Variants in MCPH1 observed in about 807,000 individuals in gnomAD.
MCPH1 encodes the protein microcephalin.
MCPH1 carries 104 observed loss-of-function variants against 84.5 expected under a neutral mutation model. That is an observed-to-expected ratio of 1.23 (90% CI 1.05 to 1.45). MCPH1 has a LOEUF of 1.45. Among genes scored for constraint, MCPH1 ranks in the 40% most tolerant of loss-of-function variants. The pLI is 0.00. For synonymous variants in MCPH1, 514 were observed against 366.8 expected (o/e 1.40, Z -4.58); for missense variants, 1,498 against 1,005.7 (o/e 1.49, Z -6.62).
At chr8:6,558,497 C>T (rs1262781222) in intron 12 of MCPH1, among the ~76,000 whole-genome samples, 1 of 152,204 alleles carries the variant, frequency 6.6e-6, no homozygotes, top group African/African-American at 2.4e-5. Flanking sequence ...CATCTGATCA[C>T]CAATGGTAAG....
chr8:6,562,219 G>A (rs1453658200), intron 12 of MCPH1, among the ~76,000 whole-genome samples: 4 of 152,092 alleles, frequency 2.6e-5, no homozygotes, highest in East Asian at 1.9e-4. Context: ...TGGTTGTCAC[G>A]GTCTCTCTGG....
At chr8:6,627,332 A>G in intron 13 of MCPH1, 1 of 976,222 alleles carries the variant, frequency 1.0e-6, no homozygotes, top group Non-Finnish European at 1.2e-6. Context: ...GGCAGAGAGG[A>G]GAGTGAGGAC....
At chr8:6,586,836 C>T (rs995361886) in intron 12 of MCPH1, among the ~76,000 whole-genome samples, 1 of 152,172 alleles carries the variant, frequency 6.6e-6, no homozygotes, top group African/African-American at 2.4e-5. Context: ...AGGACACTTA[C>T]CACCTGAATC....
chr8:6,530,566 C>CTTA (rs1819298908), intron 12 of MCPH1, among the ~76,000 whole-genome samples: 5 of 73,676 alleles, frequency 6.8e-5, no homozygotes, highest in African/African-American at 1.4e-4. Flanking sequence ...TTTGGTCCAA[C>CTTA]CTAATAATTC....
At chr8:6,641,462 C>G (rs1308010602) in intron 13 of MCPH1, among the ~76,000 whole-genome samples, 1 of 152,134 alleles carries the variant, frequency 6.6e-6, no homozygotes, top group East Asian at 1.9e-4. Context: ...AAAAGTCAAG[C>G]CAGGTGTGGT....
intron 12 of MCPH1, among the ~76,000 whole-genome samples, chr8:6,558,741 C>G (rs1825046671): frequency 6.6e-6 from 1 of 152,064 alleles, no homozygotes; most frequent in South Asian, 2.1e-4. Flanking sequence ...AGTGTGATAT[C>G]TAAATAGTTA....
chr8:6,639,079 C>T (rs905792298), intron 13 of MCPH1, among the ~76,000 whole-genome samples: 1 of 152,172 alleles, frequency 6.6e-6, no homozygotes, highest in Non-Finnish European at 1.5e-5. Context: ...TCCATCTTGT[C>T]TCTGTTTAAA....
At chr8:6,479,988 A>G (rs1563265734) in intron 10 of MCPH1, among the ~76,000 whole-genome samples, 1 of 152,186 alleles carries the variant, frequency 6.6e-6, no homozygotes, top group African/African-American at 2.4e-5. Flanking sequence ...TACATTTTCA[A>G]AATAAAATAA....
At chr8:6,610,267 G>A (rs991674728) in intron 12 of MCPH1, among the ~76,000 whole-genome samples, 4 of 152,292 alleles carry the variant, frequency 2.6e-5, no homozygotes, top group Admixed American at 1.3e-4. Context: ...GACAGAAGGC[G>A]GTTTGGAAAA....
At position 6,505,305 on chromosome 8, in the gene MCPH1, A is replaced by ATTCTT. The variant is rs1813208986; in HGVS notation, c.2214+5377_2214+5378insTCTTT. Among the ~76,000 whole-genome samples, 3 of 47,464 alleles carry ATTCTT rather than the reference A, an allele frequency of 6.3e-5. 1 individual carries two copies. In the East Asian group the frequency reaches 1.3e-3, roughly 20 times the overall value. 31.1% of individuals were successfully genotyped at this position (47,464 alleles called of 152,430 possible). Reference sequence around the variant, plus strand: ...ATATATGTTATATACATATATATGTATATAACATATATATGTTATATACAT... The same window carrying ATTCTT: ...ATATATGTTATATACATATATATGTATTCTTTATAACATATATATGTTATATACAT... On this transcript the variant is annotated intron_variant, in intron 12 of 13. Coordinates refer to ENST00000344683, the MANE Select transcript of MCPH1 (RefSeq NM_024596.5).
At chr8:6,593,961 G>C (rs1828720378) in intron 12 of MCPH1, among the ~76,000 whole-genome samples, 1 of 152,224 alleles carries the variant, frequency 6.6e-6, no homozygotes, top group African/African-American at 2.4e-5. Flanking sequence ...AGCATGGATA[G>C]AAGGCTGGTG....
intron 12 of MCPH1, among the ~76,000 whole-genome samples, chr8:6,505,790 A>G (rs1214017791): frequency 6.6e-5 from 9 of 136,744 alleles, no homozygotes; most frequent in Admixed American, 6.1e-4. Context: ...ATATATGTAT[A>G]TATAAAAACA....
At chr8:6,409,187 G>T (rs1307856721) in intron 1 of MCPH1, 92 bp from the exon 2 acceptor site, 7 of 1,099,676 alleles carry the variant, frequency 6.4e-6, no homozygotes, top group Admixed American at 1.8e-5. Context: ...TGCCGGCCTC[G>T]GTTTACTCTT....
intron 13 of MCPH1, among the ~76,000 whole-genome samples, chr8:6,638,890 G>A (rs1797743595): frequency 6.6e-6 from 1 of 152,204 alleles, no homozygotes; most frequent in Admixed American, 6.5e-5. Flanking sequence ...CCCTTGTTCA[G>A]TGGTCAGATG....
chr8:6,626,050 C>G, intron 13 of MCPH1: 2 of 985,408 alleles, frequency 2.0e-6, no homozygotes, highest in Non-Finnish European at 2.4e-6. Context: ...GTCCACCCGC[C>G]AGCCTTTGTT....
intron 12 of MCPH1, among the ~76,000 whole-genome samples, chr8:6,617,797 C>A (rs1830969276): frequency 6.6e-6 from 1 of 152,154 alleles, no homozygotes; most frequent in Admixed American, 6.5e-5. Flanking sequence ...CCACCTCAGC[C>A]TCCCAAGTAG....
chr8:6,433,697 C>A (rs896775988), intron 4 of MCPH1, among the ~76,000 whole-genome samples: 1 of 146,004 alleles, frequency 6.8e-6, no homozygotes, highest in Admixed American at 6.9e-5. Context: ...TGTTACTAAT[C>A]TTTTTAATTT....
intron 3 of MCPH1, among the ~76,000 whole-genome samples, chr8:6,419,140 C>CACACACACAG (rs1311793794): frequency 2.1e-4 from 25 of 117,104 alleles, no homozygotes; most frequent in African/African-American, 5.1e-4. Context: ...CACACACACA[C>CACACACACAG]ACACACACAC....
rs377522481 is a variant in MCPH1 at position 6,623,688 on chromosome 8, CAAAAAAAAAAAAAA to C, written c.2452+2014_2452+2027del. On this transcript the variant is annotated intron_variant, in intron 13 of 13. Coordinates refer to ENST00000344683, the MANE Select transcript of MCPH1 (RefSeq NM_024596.5). The stretch of plus-strand genomic sequence containing the variant: ...CATCTTTTGCCTGGAAACCAACTTC[CAAAAAAAAAAAAAA>C]AAAAAAAAAAAAAAAACTATTGATT... 1.5e-3 allele frequency among the ~76,000 whole-genome samples: 142 copies of C among 92,430 alleles called. 5 individuals are homozygous for C. Among genetic ancestry groups the C allele is most frequent in the Middle Eastern group, 6.3e-3 (1 of 160 alleles). The allele number at this position is 92,430 out of a possible 152,430, so 60.6% of individuals were successfully genotyped here.
Sources: allele counts gnomAD v4.1 joint callset (sites outside exome capture counted in the v4.1 genomes callset), GRCh38; gene constraint gnomAD v4.1.1; transcripts MANE v1.5; gene names NCBI Gene and HGNC (gene_info 2026-07-23, HGNC 2026-07-21).